The following SMG1 variants were observed in gnomAD, a reference collection of about 807,000 sequenced individuals.
SMG1 encodes the protein serine/threonine-protein kinase SMG1.
A neutral mutation model predicts 419.9 loss-of-function variants in SMG1; 22 were observed. That is an observed-to-expected ratio of 0.05 (90% CI 0.04 to 0.07). SMG1 has a LOEUF of 0.07. SMG1 is among the 10% of genes least tolerant of loss of function. SMG1 has a pLI of 1.00. For missense variants in SMG1, 3,185 were observed against 4,342.0 expected, an observed-to-expected ratio of 0.73 and a Z score of 7.49; for synonymous variants, 1,538 against 1,553.5, an observed-to-expected ratio of 0.99 and a Z score of 0.23.
In SMG1 at chr16:18,866,717, C is replaced by A. The variant is rs777191694; in HGVS notation, c.3254G>T (p.Cys1085Phe). The change falls in exon 23 of 63, where the codon TGT (cysteine) becomes TTT (phenylalanine). Residue 1085 changes from cysteine (C) to phenylalanine (F), a missense_variant. By Grantham distance (205) the Cys-to-Phe change is radical. Coordinates refer to ENST00000446231, the MANE Select transcript of SMG1 (RefSeq NM_015092.5). ...AGCAATTCCCTGTATAGCTTCAGGACAATGAAGTTCACATAATGCTTCTAC... is the reference window on the plus strand; with the variant it reads ...AGCAATTCCCTGTATAGCTTCAGGAAAATGAAGTTCACATAATGCTTCTAC... ...MVVEALCELHCPEAIQGIAVW... is the reference protein window; with the variant it reads ...MVVEALCELHFPEAIQGIAVW... 1.3e-6 allele frequency: 2 copies of A among 1,596,716 alleles called. No homozygotes were observed. Among genetic ancestry groups the A allele is most frequent in the Admixed American group, 3.3e-5 (2 of 60,010 alleles).
chr16:18,811,131 T>A (rs1485389307), intron 62 of SMG1, among the ~76,000 whole-genome samples: 2 of 152,206 alleles, frequency 1.3e-5, no homozygotes, highest in Non-Finnish European at 2.9e-5. Flanking sequence ...CCTGTAGTTT[T>A]AGATTTTGGA....
intron 3 of SMG1, 88 bp downstream of exon 3, chr16:18,895,964 C>T (rs926646149): frequency 8.7e-7 from 1 of 1,155,532 alleles, no homozygotes; most frequent in South Asian, 1.3e-5. Context: ...TATGCCTGTG[C>T]AAGGCGTTAG....
At position 18,839,949 on chromosome 16, in the gene SMG1, T is replaced by C. The variant is rs1164613668; in HGVS notation, c.6697-3A>G. ...GGAGTTTGGTAGGAATCTTGGGCCTTAAGAAAAAACAATTTTTTTAAAAAA... is the reference window on the plus strand; with the variant it reads ...GGAGTTTGGTAGGAATCTTGGGCCTCAAGAAAAAACAATTTTTTTAAAAAA... On this transcript the variant is annotated splice_region_variant and splice_polypyrimidine_tract_variant and intron_variant, in intron 41 of 62. Coordinates refer to ENST00000446231, the MANE Select transcript of SMG1 (RefSeq NM_015092.5). The C allele has an allele frequency of 6.5e-7, 1 of 1,536,166 alleles. No individual in the cohort carries two copies. Among genetic ancestry groups the C allele is most frequent in the Admixed American group, 2.1e-5 (1 of 46,626 alleles).
intron 48 of SMG1, 79 bp from the exon 49 acceptor site, chr16:18,835,243 A>G (rs2033481611): frequency 7.2e-7 from 1 of 1,389,162 alleles, no homozygotes; most frequent in African/African-American, 1.4e-5. Context: ...TTAATCCTCA[A>G]ACAAAACTTG....
At chr16:18,829,137 A>T (rs2032978858) in intron 54 of SMG1, 149 bp downstream of exon 54, 5 of 628,774 alleles carry the variant, frequency 8.0e-6, no homozygotes, top group Non-Finnish European at 8.2e-6. Flanking sequence ...TTGGAAAGAA[A>T]GTGCCAAAAT....
intron 1 of SMG1, among the ~76,000 whole-genome samples, chr16:18,900,294 A>C (rs2037296315): frequency 6.6e-6 from 1 of 152,248 alleles, no homozygotes; most frequent in African/African-American, 2.4e-5. Flanking sequence ...CATACAAATC[A>C]CATGCAAATA....
intron 31 of SMG1, 55 bp from the exon 32 acceptor site, chr16:18,852,517 TCATA>T: frequency 7.3e-7 from 1 of 1,361,116 alleles, no homozygotes; most frequent in Non-Finnish European, 9.7e-7. Context: ...AATGTTACAT[TCATA>T]AATTCCTAAC....
At chr16:18,922,927 C>G (rs552496481) in intron 1 of SMG1, among the ~76,000 whole-genome samples, 1 of 152,162 alleles carries the variant, frequency 6.6e-6, no homozygotes, top group Non-Finnish European at 1.5e-5. Context: ...ACAAAAAATA[C>G]AAAAATGAGC....
chr16:18,818,907 C>A (rs1321479934), intron 56 of SMG1, among the ~76,000 whole-genome samples: 4 of 150,062 alleles, frequency 2.7e-5, no homozygotes, highest in Non-Finnish European at 5.9e-5. Flanking sequence ...ACCTCTGGCT[C>A]CCAGGTTCAA....
chr16:18,915,118 T>C (rs1238309334), intron 1 of SMG1, among the ~76,000 whole-genome samples: 2 of 151,954 alleles, frequency 1.3e-5, no homozygotes, highest in Non-Finnish European at 2.9e-5. Context: ...ACTACAGGTG[T>C]GTGCCACCAT....
intron 1 of SMG1, among the ~76,000 whole-genome samples, chr16:18,923,641 GA>G (rs370845269): frequency 1.4e-5 from 2 of 141,150 alleles, no homozygotes; most frequent in African/African-American, 5.2e-5. Context: ...TCTCAGGAAG[GA>G]AAAAAAAAAG....
intron 1 of SMG1, among the ~76,000 whole-genome samples, chr16:18,922,159 T>G (rs1453337468): frequency 6.6e-6 from 1 of 152,234 alleles, no homozygotes; most frequent in Non-Finnish European, 1.5e-5. Flanking sequence ...AATTATGAAT[T>G]ACACATTTAA....
chr16:18,828,718 G>T (rs1203796667), intron 54 of SMG1, among the ~76,000 whole-genome samples: 2 of 152,324 alleles, frequency 1.3e-5, no homozygotes, highest in Middle Eastern at 3.4e-3. Context: ...CTATATTTAT[G>T]CCAGGCATGG....
intron 23 of SMG1, among the ~76,000 whole-genome samples, chr16:18,864,616 C>G (rs540930086): frequency 6.6e-6 from 1 of 152,252 alleles, no homozygotes; most frequent in South Asian, 2.1e-4. Flanking sequence ...CAACCTCAGC[C>G]TCCCAAGTAG....
chr16:18,876,045 T>C, intron 13 of SMG1, 79 bp downstream of exon 13: 2 of 1,461,796 alleles, frequency 1.4e-6, no homozygotes, highest in Non-Finnish European at 1.9e-6. Context: ...CATCTTGACA[T>C]GACAGTGAAA....
At chr16:18,869,410 C>A in intron 19 of SMG1, 107 bp from the exon 20 acceptor site, 1 of 907,056 alleles carries the variant, frequency 1.1e-6, no homozygotes, top group Non-Finnish European at 1.7e-6. Context: ...TTCCCTACTC[C>A]AAAAAAGGCA....
intron 50 of SMG1, among the ~76,000 whole-genome samples, chr16:18,833,972 T>C (rs1380955134): frequency 1.3e-5 from 2 of 152,310 alleles, no homozygotes; most frequent in East Asian, 3.9e-4. Context: ...GATGAACACT[T>C]GACTTGATTC....
rs377359517 is a variant in SMG1 at position 18,919,634 on chromosome 16, A to ATG, written c.92+6314_92+6315dup. 1.9e-3 allele frequency among the ~76,000 whole-genome samples: 233 copies of ATG among 124,656 alleles called. 2 individuals are homozygous for ATG. The highest frequency in any genetic ancestry group is 8.0e-3 in the East Asian group (33 of 4,146). 81.8% of individuals were successfully genotyped at this position (124,656 alleles called of 152,430 possible). A position where few individuals can be genotyped will look rare whatever the true frequency, so the allele number is the denominator to read the frequency against. On this transcript the variant is annotated intron_variant, in intron 1 of 62. Coordinates refer to ENST00000446231, the MANE Select transcript of SMG1 (RefSeq NM_015092.5). ...GCAACACTCCGTCTCAAAAAAAAAA[A>ATG]TGTGTGTGTGTGTGTGTATATATAC...
At chr16:18,890,609 C>G (rs192388226) in intron 5 of SMG1, among the ~76,000 whole-genome samples, 1 of 152,286 alleles carries the variant, frequency 6.6e-6, no homozygotes, top group Non-Finnish European at 1.5e-5. Context: ...GAGATCGCAC[C>G]ACTGCACTCC....
Sources: allele counts gnomAD v4.1 joint callset (sites outside exome capture counted in the v4.1 genomes callset), GRCh38; gene constraint gnomAD v4.1.1; transcripts MANE v1.5; gene names NCBI Gene and HGNC (gene_info 2026-07-23, HGNC 2026-07-21).